Variants in SCAPER observed in about 807,000 individuals in gnomAD.
SCAPER encodes the protein S-phase cyclin A associated protein in the ER.
A neutral mutation model predicts 182.2 loss-of-function variants in SCAPER; 98 were observed. The ratio of observed to expected loss-of-function variants is 0.54; its 90% CI spans 0.46 to 0.64. The LOEUF is 0.64. Among genes scored for constraint, SCAPER ranks in the 30% least tolerant of loss-of-function variants. SCAPER has a pLI of 0.00. For missense variants in SCAPER, 1,432 were observed against 1,690.0 expected (o/e 0.85, Z 2.68); for synonymous variants, 605 against 564.6 (o/e 1.07, Z -1.01).
intron 22 of SCAPER, among the ~76,000 whole-genome samples, chr15:76,580,319 A>C (rs995394873): frequency 6.6e-6 from 1 of 152,236 alleles, no homozygotes; most frequent in Non-Finnish European, 1.5e-5. Context: ...TTGTATCAAT[A>C]GTCTTCTCTG....
In SCAPER at chr15:76,654,752, G is replaced by T. The variant is rs189044373; in HGVS notation, c.2645+10901C>A. Among the ~76,000 whole-genome samples, 3 of 152,320 alleles carry T rather than the reference G, an allele frequency of 2.0e-5. No homozygotes were observed. The East Asian group carries it at 5.8e-4, about 29-fold the overall frequency. On this transcript the variant is annotated intron_variant, in intron 21 of 31. Coordinates refer to ENST00000563290, the MANE Select transcript of SCAPER (RefSeq NM_020843.4). ...TCAGGCATCCTGCTTTCCCTGGCCT[G>T]GCTCACCAGGTCCTACCAAGGTGGC...
At position 76,562,895 on chromosome 15, in the gene SCAPER, T is replaced by C. The variant is rs2046751734; in HGVS notation, c.2838+11263A>G. On this transcript the variant is annotated intron_variant, in intron 23 of 31. Coordinates refer to ENST00000563290, the MANE Select transcript of SCAPER (RefSeq NM_020843.4). Reference sequence around the variant, plus strand: ...GACAAATTCATACAATGGCACATTATACAGTAATGGAAATAAAACTGTATA... The same window carrying C: ...GACAAATTCATACAATGGCACATTACACAGTAATGGAAATAAAACTGTATA... 2.6e-5 allele frequency among the ~76,000 whole-genome samples: 4 copies of C among 152,330 alleles called. No individual in the cohort carries two copies. The South Asian group carries it at 8.3e-4, about 32-fold the overall frequency.
chr15:76,747,466 C>T (rs1329064880), intron 15 of SCAPER, among the ~76,000 whole-genome samples: 1 of 152,052 alleles, frequency 6.6e-6, no homozygotes, highest in African/African-American at 2.4e-5. Flanking sequence ...CACACCACTG[C>T]ACTCCAGCCT....
In SCAPER at chr15:76,710,259, T is replaced by G. The variant is rs527508035; in HGVS notation, c.2166-4275A>C. Among the ~76,000 whole-genome samples, 6 of 152,228 alleles carry G rather than the reference T, an allele frequency of 3.9e-5. No individual in the cohort carries two copies. The South Asian group carries it at 1.2e-3, about 32-fold the overall frequency. ...TTCACAGATGCCATAAGCCTTTATG[T>G]ATAAAAAGTACTAAAGAACCAAAAT... On this transcript the variant is annotated intron_variant, in intron 17 of 31. Transcript: ENST00000563290.
At chr15:76,691,938 T>C (rs2058383697) in intron 20 of SCAPER, among the ~76,000 whole-genome samples, 1 of 152,186 alleles carries the variant, frequency 6.6e-6, no homozygotes, top group African/African-American at 2.4e-5. Flanking sequence ...TGTCCCAATT[T>C]GTTTTATGAA....
chr15:76,354,243 G>T lies in SCAPER; in HGVS notation c.3856-103C>A, dbSNP rs2040804082. On this transcript the variant is annotated intron_variant, in intron 29 of 31. Transcript: ENST00000563290. This position sits in a 1 kb window ranked among gnomAD's most constrained non-coding sequence, Gnocchi z 4.4. ...GTACCATGGAAAACATGCTGAAGGA[G>T]TGTAAAGAAAAAGACTCCTGACTCC... 1 of 1,087,018 alleles carries T rather than the reference G, an allele frequency of 9.2e-7. No individual in the cohort carries two copies. Among genetic ancestry groups the T allele is most frequent in the Non-Finnish European group, 1.3e-6 (1 of 782,460 alleles). 67.3% of individuals were successfully genotyped at this position (1,087,018 alleles called of 1,614,324 possible).
At chr15:76,739,599 C>T (rs2061444869) in intron 15 of SCAPER, among the ~76,000 whole-genome samples, 1 of 152,168 alleles carries the variant, frequency 6.6e-6, no homozygotes, top group African/African-American at 2.4e-5. Context: ...CGGGACATAA[C>T]TATACAAGAT....
intron 20 of SCAPER, among the ~76,000 whole-genome samples, chr15:76,675,988 C>T (rs1385074878): frequency 1.3e-5 from 2 of 152,138 alleles, no homozygotes; most frequent in Admixed American, 1.3e-4. Flanking sequence ...CCATGCCTGG[C>T]TAATTTTTGT....
In SCAPER at chr15:76,596,120, G is replaced by T. The variant is rs1330823081; in HGVS notation, c.2712-21836C>A. 1.6e-4 allele frequency among the ~76,000 whole-genome samples: 19 copies of T among 120,450 alleles called. 7 individuals carry two copies. The highest frequency in any genetic ancestry group is 2.8e-4 in the Non-Finnish European group (14 of 49,692). The allele number at this position is 120,450 out of a possible 152,430, so 79.0% of individuals were successfully genotyped here. On this transcript the variant is annotated intron_variant, in intron 22 of 31. Transcript: ENST00000563290. Reference sequence around the variant, plus strand: ...AATAGGCACAATAAACAATGACAAAGAAAAGATCACCACTTATCCCACAGA... The same window carrying T: ...AATAGGCACAATAAACAATGACAAATAAAAGATCACCACTTATCCCACAGA...
intron 8 of SCAPER, among the ~76,000 whole-genome samples, chr15:76,784,701 G>GA (rs1433296735): frequency 1.3e-5 from 2 of 152,208 alleles, no homozygotes; most frequent in East Asian, 1.9e-4. Context: ...TAGACCAATG[G>GA]AACAGAACAG....
intron 8 of SCAPER, among the ~76,000 whole-genome samples, chr15:76,780,725 G>A (rs541135093): frequency 6.6e-6 from 1 of 152,282 alleles, no homozygotes; most frequent in Non-Finnish European, 1.5e-5. Flanking sequence ...ACCTCCACTG[G>A]TGATACCCAG....
chr15:76,593,018 G>A lies in SCAPER; in HGVS notation c.2712-18734C>T, dbSNP rs555588977. Among the ~76,000 whole-genome samples the A allele has an allele frequency of 3.0e-4, 36 of 118,368 alleles. 4 individuals carry two copies. Among genetic ancestry groups the A allele is most frequent in the African/African-American group, 9.0e-4 (35 of 39,092 alleles). The allele number at this position is 118,368 out of a possible 152,430, so 77.7% of individuals were successfully genotyped here. On this transcript the variant is annotated intron_variant, in intron 22 of 31. Coordinates refer to ENST00000563290, the MANE Select transcript of SCAPER (RefSeq NM_020843.4). ...GGGGCTGAAGCCAGGGAGCGAACTC[G>A]TCTTGCTCAGCAGATCCCACCCCCA... is the stretch of plus-strand genomic sequence containing the variant.
chr15:76,779,223 CCAA>C (rs1279096655), intron 8 of SCAPER, among the ~76,000 whole-genome samples: 13 of 151,796 alleles, frequency 8.6e-5, no homozygotes, highest in South Asian at 4.2e-4. Flanking sequence ...AAAAATCTAT[CCAA>C]CAACAGTGAA....
At chr15:76,798,351 C>T (rs1321191031) in intron 7 of SCAPER, among the ~76,000 whole-genome samples, 2 of 133,592 alleles carry the variant, frequency 1.5e-5, no homozygotes, top group African/African-American at 5.6e-5. Flanking sequence ...CAGAGCAAGA[C>T]TATATCTTAA....
Position 76,381,455 on chromosome 15 carries a change from G to T in SCAPER, c.3628C>A (p.Gln1210Lys). The T allele has an allele frequency of 6.2e-7, 1 of 1,613,862 alleles. No homozygotes were observed. The highest frequency in any genetic ancestry group is 8.5e-7 in the Non-Finnish European group (1 of 1,179,858). Reference sequence around the variant, plus strand: ...TGAATGGCCACTTGGATGGTATTTTGAGTGTAATTCTCCTTGGGACTGGCA... The same window carrying T: ...TGAATGGCCACTTGGATGGTATTTTTAGTGTAATTCTCCTTGGGACTGGCA... ...STASPKENYT[Q>K]NTIQVAIQSL... Residue 1210 changes from glutamine to lysine, a missense_variant, in exon 28 of 32, where the codon CAA (glutamine) becomes AAA (lysine). Physicochemically the swap from Gln to Lys is moderately conservative, Grantham distance 53. Transcript: ENST00000563290.
intron 26 of SCAPER, 42 bp downstream of exon 26, chr15:76,434,036 T>C (rs767309356): frequency 6.6e-7 from 1 of 1,514,672 alleles, no homozygotes; most frequent in Non-Finnish European, 9.0e-7. Flanking sequence ...TAATATAGTT[T>C]CTTAACAAAG....
chr15:76,460,528 G>A (rs2049086128), intron 25 of SCAPER, among the ~76,000 whole-genome samples: 1 of 152,058 alleles, frequency 6.6e-6, no homozygotes, highest in South Asian at 2.1e-4. Flanking sequence ...CCTTTTCTGA[G>A]CTTCTTGAAT....
intron 23 of SCAPER, among the ~76,000 whole-genome samples, chr15:76,539,552 T>TTC (rs2044538020): frequency 6.7e-6 from 1 of 148,152 alleles, no homozygotes; most frequent in East Asian, 1.9e-4. Flanking sequence ...TTTCTTTTTT[T>TTC]TTTTTTTTTT....
At chr15:76,753,180 T>A (rs1028252990) in intron 15 of SCAPER, among the ~76,000 whole-genome samples, 4 of 151,836 alleles carry the variant, frequency 2.6e-5, no homozygotes, top group Non-Finnish European at 4.4e-5. Flanking sequence ...CCACAGCAGC[T>A]ATATTTGTAA....
Sources: gnomAD v4.1 joint callset for allele counts (sites outside exome capture counted in the v4.1 genomes callset) on GRCh38, gnomAD v4.1.1 for gene constraint, Gnocchi (gnomAD v3.1) non-coding constraint, MANE v1.5 for transcripts, NCBI Gene and HGNC (gene_info 2026-07-23, HGNC 2026-07-21) for gene names.